The following DISC1 variants were observed in gnomAD, a reference collection of about 807,000 sequenced individuals.
The protein encoded by DISC1 is DISC1 scaffold protein.
DISC1 carries 57 observed loss-of-function variants against 84.5 expected under a neutral mutation model. The ratio of observed to expected loss-of-function variants is 0.67; its 90% CI spans 0.55 to 0.84. The LOEUF is 0.84. Among genes scored for constraint, DISC1 ranks in the 40% least tolerant of loss-of-function variants. The pLI is 0.00. For synonymous variants in DISC1, 411 were observed against 415.2 expected (o/e 0.99, Z 0.12); for missense variants, 1,000 against 1,057.8 (o/e 0.95, Z 0.76).
intron 9 of DISC1, among the ~76,000 whole-genome samples, chr1:231,942,014 T>C (rs2126133856): frequency 6.6e-6 from 1 of 151,826 alleles, no homozygotes; most frequent in Non-Finnish European, 1.5e-5. Context: ...AAAGAGCTCC[T>C]GCAGTGGAGA....
chr1:232,007,351 G>A (rs1344435974), intron 10 of DISC1, among the ~76,000 whole-genome samples: 1 of 152,166 alleles, frequency 6.6e-6, no homozygotes, highest in African/African-American at 2.4e-5. Flanking sequence ...AGCCAGGAGG[G>A]GGACTGTACC....
chr1:231,827,729 T>C (rs2081960290), intron 9 of DISC1, among the ~76,000 whole-genome samples: 1 of 152,202 alleles, frequency 6.6e-6, no homozygotes, highest in African/African-American at 2.4e-5. Context: ...TGTTATGTTT[T>C]GGACTTGGGG....
chr1:232,015,745 T>C (rs1668437364), intron 11 of DISC1, among the ~76,000 whole-genome samples: 1 of 152,164 alleles, frequency 6.6e-6, no homozygotes, highest in Admixed American at 6.5e-5. Flanking sequence ...ATCTTACCTC[T>C]ACCCAAGACT....
At chr1:231,732,103 C>T (rs2071595676) in intron 3 of DISC1, among the ~76,000 whole-genome samples, 1 of 152,218 alleles carries the variant, frequency 6.6e-6, no homozygotes, top group African/African-American at 2.4e-5. Context: ...AAAGTCCTCT[C>T]TTGCCCTCCA....
rs2070188481 is a variant in DISC1 at position 231,723,570 on chromosome 1, G to C, written c.1117+21546G>C. ...TCTGTTATATCAGACTTCTCTGATGGCCTGTCCAGAGCAAACATTTTAAAA... is the reference window on the plus strand; with the variant it reads ...TCTGTTATATCAGACTTCTCTGATGCCCTGTCCAGAGCAAACATTTTAAAA... On this transcript the variant is annotated intron_variant, in intron 3 of 12. Transcript: ENST00000439617. 8.1e-6 allele frequency: 8 copies of C among 985,440 alleles called. No individual in the cohort carries two copies. In the South Asian group the frequency reaches 3.8e-4, roughly 46 times the overall value. The allele number at this position is 985,440 out of a possible 1,614,324, so 61.0% of individuals were successfully genotyped here. A position where few individuals can be genotyped will look rare whatever the true frequency, so the allele number is the denominator to read the frequency against.
chr1:231,809,519 T>C (rs2080074957), intron 8 of DISC1, among the ~76,000 whole-genome samples: 1 of 119,474 alleles, frequency 8.4e-6, no homozygotes, highest in Non-Finnish European at 1.8e-5. Flanking sequence ...AAGCCTTTTT[T>C]TTTTGAAAAA....
chr1:232,017,576 A>G (rs777314878), intron 11 of DISC1, among the ~76,000 whole-genome samples: 2 of 147,082 alleles, frequency 1.4e-5, no homozygotes, highest in African/African-American at 2.5e-5. Flanking sequence ...GTGGATAGGT[A>G]TTGCTGATGC....
intron 9 of DISC1, among the ~76,000 whole-genome samples, chr1:231,909,293 T>C (rs1448008125): frequency 6.6e-6 from 1 of 152,232 alleles, no homozygotes; most frequent in Non-Finnish European, 1.5e-5. Context: ...TTCAGTATGA[T>C]ATTGGCTGTG....
chr1:231,891,484 G>A (rs981813060), intron 9 of DISC1, among the ~76,000 whole-genome samples: 13 of 152,210 alleles, frequency 8.5e-5, no homozygotes, highest in African/African-American at 3.1e-4. Context: ...ACGGAGCAGG[G>A]AAATAAGGTC....
At chr1:231,746,129 T>C (rs2073954250) in intron 3 of DISC1, among the ~76,000 whole-genome samples, 1 of 152,224 alleles carries the variant, frequency 6.6e-6, no homozygotes, top group Non-Finnish European at 1.5e-5. Context: ...TTACCCAGCC[T>C]CAGGTATTCC....
At chr1:231,699,434 C>A (rs1448879100) in intron 2 of DISC1, among the ~76,000 whole-genome samples, 10 of 151,870 alleles carry the variant, frequency 6.6e-5, no homozygotes, top group African/African-American at 2.2e-4. Flanking sequence ...GAAAAAAAAA[C>A]CCAAAAAACA....
intron 1 of DISC1, among the ~76,000 whole-genome samples, chr1:231,632,580 CCTT>C (rs2058813054): frequency 6.6e-6 from 1 of 152,310 alleles, no homozygotes; most frequent in South Asian, 2.1e-4. Context: ...TGTAATCTGG[CCTT>C]CTTCTTTTAC....
chr1:231,705,321 TA>T (rs5781665), intron 3 of DISC1, among the ~76,000 whole-genome samples: 9,548 of 103,992 alleles, frequency 0.092, 295 homozygotes, highest in Non-Finnish European at 0.12. Context: ...AAAAAATCAT[TA>T]AAAAAAAAAA....
intron 1 of DISC1, among the ~76,000 whole-genome samples, chr1:231,674,005 C>G (rs1375978511): frequency 6.6e-6 from 1 of 152,226 alleles, no homozygotes; most frequent in African/African-American, 2.4e-5. Flanking sequence ...TGAGGCCAGA[C>G]TTCCTGGGAT....
At chr1:231,949,660 GCCA>G (rs1657965408) in intron 9 of DISC1, among the ~76,000 whole-genome samples, 1 of 152,068 alleles carries the variant, frequency 6.6e-6, no homozygotes, top group Non-Finnish European at 1.5e-5. Flanking sequence ...GCCATCCTTG[GCCA>G]CTGAGCACAA....
intron 8 of DISC1, among the ~76,000 whole-genome samples, chr1:231,806,621 C>T (rs929712107): frequency 6.6e-6 from 1 of 152,174 alleles, no homozygotes; most frequent in South Asian, 2.1e-4. Flanking sequence ...GAGGTTTGCC[C>T]TGGGACAAAC....
intron 8 of DISC1, among the ~76,000 whole-genome samples, chr1:231,805,910 A>T (rs1239145524): frequency 3.9e-5 from 6 of 152,204 alleles, no homozygotes; most frequent in African/African-American, 1.4e-4. Flanking sequence ...TACAGTTAGT[A>T]GAGAGAAACT....
At chr1:231,991,625 A>G (rs1665213518) in intron 10 of DISC1, among the ~76,000 whole-genome samples, 2 of 152,226 alleles carry the variant, frequency 1.3e-5, no homozygotes, top group Admixed American at 1.3e-4. Flanking sequence ...GTTTAGCACC[A>G]AAGTTAAGGA....
chr1:231,818,248 C>T (rs6672782), intron 8 of DISC1, 81 bp from the exon 9 acceptor site: 18 of 1,387,314 alleles, frequency 1.3e-5, no homozygotes, highest in Admixed American at 1.7e-5. Flanking sequence ...TGTGAATGTA[C>T]ATTAGCTGCT....
Sources: gnomAD v4.1 joint callset for allele counts (sites outside exome capture counted in the v4.1 genomes callset) on GRCh38, gnomAD v4.1.1 for gene constraint, MANE v1.5 for transcripts, NCBI Gene and HGNC (gene_info 2026-07-23, HGNC 2026-07-21) for gene names.